The following ARHGAP44 variants were observed in gnomAD, a reference collection of about 807,000 sequenced individuals.
The protein encoded by ARHGAP44 is rho GTPase-activating protein 44.
A neutral mutation model predicts 106.8 loss-of-function variants in ARHGAP44; 43 were observed. The observed-to-expected ratio is 0.40, with a 90% CI of 0.32 to 0.52. ARHGAP44 has a LOEUF of 0.52. Among genes scored for constraint, ARHGAP44 ranks in the 20% least tolerant of loss-of-function variants. The pLI is 0.48. For missense variants in ARHGAP44, 866 were observed against 1,050.5 expected (o/e 0.82, Z 2.43); for synonymous variants, 439 against 410.3 (o/e 1.07, Z -0.85).
intron 1 of ARHGAP44, among the ~76,000 whole-genome samples, chr17:12,809,375 A>C (rs2034372119): frequency 1.3e-5 from 2 of 152,346 alleles, no homozygotes; most frequent in East Asian, 3.9e-4. Context: ...AAAGAGGTTT[A>C]ATTGACTCAC....
intron 3 of ARHGAP44, among the ~76,000 whole-genome samples, chr17:12,900,349 T>G (rs2037338731): frequency 6.6e-6 from 1 of 152,070 alleles, no homozygotes; most frequent in South Asian, 2.1e-4. Flanking sequence ...AGGCTGGTCT[T>G]GAACTCCTGA....
intron 7 of ARHGAP44, among the ~76,000 whole-genome samples, chr17:12,940,573 C>T (rs569627544): frequency 2.0e-5 from 3 of 152,338 alleles, no homozygotes; most frequent in Non-Finnish European, 4.4e-5. Context: ...CAAGCTTCCT[C>T]CAAATTGGTG....
At chr17:12,847,454 C>T (rs1189561158) in intron 1 of ARHGAP44, among the ~76,000 whole-genome samples, 3 of 151,096 alleles carry the variant, frequency 2.0e-5, no homozygotes, top group Admixed American at 2.0e-4. Flanking sequence ...TTTGTTCTTA[C>T]CTCCGTAACT....
At chr17:12,793,319 T>C (rs1256482054) in intron 1 of ARHGAP44, among the ~76,000 whole-genome samples, 1 of 152,232 alleles carries the variant, frequency 6.6e-6, no homozygotes, top group African/African-American at 2.4e-5. Flanking sequence ...CACTATGGCA[T>C]ATGTACCTTT....
intron 1 of ARHGAP44, among the ~76,000 whole-genome samples, chr17:12,851,397 A>C (rs1029407440): frequency 3.3e-5 from 5 of 152,088 alleles, no homozygotes; most frequent in African/African-American, 1.2e-4. Context: ...GCCGTCGAGG[A>C]CCCACTGTCA....
intron 16 of ARHGAP44, among the ~76,000 whole-genome samples, chr17:12,969,799 T>C (rs1305650701): frequency 6.6e-6 from 1 of 152,104 alleles, no homozygotes; most frequent in African/African-American, 2.4e-5. Context: ...GCTAAATACA[T>C]CTCAGCACTC....
At chr17:12,936,358 C>T (rs2038548686) in intron 7 of ARHGAP44, among the ~76,000 whole-genome samples, 1 of 152,130 alleles carries the variant, frequency 6.6e-6, no homozygotes, top group Admixed American at 6.5e-5. Context: ...CTATTTATTC[C>T]TCCCTGCTGA....
chr17:12,828,302 C>G (rs577292921), intron 1 of ARHGAP44, among the ~76,000 whole-genome samples: 6 of 152,058 alleles, frequency 3.9e-5, no homozygotes, highest in African/African-American at 1.2e-4. Flanking sequence ...CTACAGTTTT[C>G]CTGTTAACCA....
Position 12,984,590 on chromosome 17 carries a change from G to T in ARHGAP44, c.1999G>T (p.Ala667Ser). 1 of 1,601,854 alleles carries T rather than the reference G, an allele frequency of 6.2e-7. No homozygotes were observed. The part of the protein sequence containing the change: ...KVPFGQPGAM[A>S]DQSAGQPSPV... ...CCCCTTTGGCCAGCCGGGGGCTATGGCAGACCAGTCCGCTGGCCAGCCGTC... is the reference window on the plus strand; with the variant it reads ...CCCCTTTGGCCAGCCGGGGGCTATGTCAGACCAGTCCGCTGGCCAGCCGTC... The change falls in exon 20 of 21, where the codon GCA becomes TCA. Residue 667 changes from alanine (A) to serine (S), a missense_variant. This residue lies in a region of ARHGAP44 where 418 missense variants were observed against 403.6 expected (regional missense o/e 1.04). Transcript: ENST00000379672.
At chr17:12,868,589 TTTTATATATATATATATATATATATATA>T (rs2036305134) in intron 1 of ARHGAP44, among the ~76,000 whole-genome samples, 4 of 104,922 alleles carry the variant, frequency 3.8e-5, no homozygotes, top group Non-Finnish European at 5.8e-5. Flanking sequence ...TATATATGCA[TTTTATATATATATATATATATATATATA>T]TATATATATA....
intron 1 of ARHGAP44, among the ~76,000 whole-genome samples, chr17:12,861,165 A>G (rs1321616037): frequency 3.3e-5 from 5 of 151,884 alleles, no homozygotes; most frequent in South Asian, 2.1e-4. Context: ...TAATTTTTGT[A>G]TGTTTATAGA....
intron 1 of ARHGAP44, among the ~76,000 whole-genome samples, chr17:12,802,961 ATATATATATTTTTT>A (rs1255186449): frequency 7.8e-4 from 17 of 21,882 alleles, no homozygotes; most frequent in African/African-American, 6.1e-3. Context: ...ATATATATAT[ATATATATATTTTTT>A]TTTTTTTTTT....
intron 18 of ARHGAP44, among the ~76,000 whole-genome samples, chr17:12,978,904 G>T (rs1389403279): frequency 6.6e-6 from 1 of 152,090 alleles, no homozygotes; most frequent in Non-Finnish European, 1.5e-5. Context: ...GGCCAGGCTG[G>T]TCTCAAACTC....
At chr17:12,979,308 GA>G (rs1242566927) in intron 18 of ARHGAP44, among the ~76,000 whole-genome samples, 2 of 152,210 alleles carry the variant, frequency 1.3e-5, no homozygotes, top group East Asian at 1.9e-4. Context: ...GAAGAAGGCT[GA>G]GGAACAGCCT....
At chr17:12,986,807 G>GGGCT in intron 20 of ARHGAP44, 1 of 318,748 alleles carries the variant, frequency 3.1e-6, no homozygotes, top group Non-Finnish European at 5.7e-6. Context: ...AGCACCCCCA[G>GGGCT]GGCTCTAAGA....
chr17:12,944,800 A>T (rs2038808134), intron 10 of ARHGAP44, among the ~76,000 whole-genome samples: 1 of 150,258 alleles, frequency 6.7e-6, no homozygotes. Context: ...TGCTGCTATT[A>T]CTACTCCTTC....
At chr17:12,910,602 C>T (rs1490033706) in intron 4 of ARHGAP44, among the ~76,000 whole-genome samples, 2 of 151,662 alleles carry the variant, frequency 1.3e-5, no homozygotes, top group Non-Finnish European at 2.9e-5. Flanking sequence ...GGTGCCACCA[C>T]GCCGGGCTAA....
intron 6 of ARHGAP44, among the ~76,000 whole-genome samples, chr17:12,921,665 CAGAGTT>C (rs944001582): frequency 2.6e-5 from 4 of 152,170 alleles, no homozygotes; most frequent in African/African-American, 9.7e-5. Flanking sequence ...ATGTAGCATA[CAGAGTT>C]CAGAAGGTCA....
intron 6 of ARHGAP44, among the ~76,000 whole-genome samples, chr17:12,927,610 A>G (rs530367866): frequency 6.6e-6 from 1 of 152,250 alleles, no homozygotes; most frequent in Admixed American, 6.5e-5. Context: ...TCACATAACA[A>G]TTTCCTCCTT....
Sources: allele counts gnomAD v4.1 joint callset (sites outside exome capture counted in the v4.1 genomes callset), GRCh38; gene constraint gnomAD v4.1.1; regional missense constraint gnomAD v4.1.1; transcripts MANE v1.5; gene names NCBI Gene and HGNC (gene_info 2026-07-23, HGNC 2026-07-21).